The following DYNC2H1 variants were observed in gnomAD, a reference collection of about 807,000 sequenced individuals.
DYNC2H1 encodes dynein cytoplasmic 2 heavy chain 1.
In DYNC2H1, 410 loss-of-function variants were observed where a neutral mutation model predicts 570.0. The observed-to-expected ratio is 0.72, with a 90% CI of 0.66 to 0.78. DYNC2H1 has a LOEUF of 0.78. Ranked by LOEUF, DYNC2H1 falls within the 30% of genes least tolerant of loss-of-function variation. The pLI is 0.00. For synonymous variants in DYNC2H1, 1,688 were observed against 1,677.6 expected (o/e 1.01, Z -0.15); for missense variants, 4,865 against 5,046.4 (o/e 0.96, Z 1.09).
chr11:103,243,817 C>A lies in DYNC2H1; in HGVS notation c.9918+26C>A, dbSNP rs758508903. On this transcript the variant is annotated intron_variant, in intron 64 of 88. Coordinates refer to ENST00000375735, the MANE Select transcript of DYNC2H1 (RefSeq NM_001377.3). The surrounding 1 kb of genome is among the most constrained non-coding windows in gnomAD (Gnocchi z 4.8). ...GTATGTATTATTTATAATTTACATA[C>A]CAATTAGGAATGACCTCTTATAGTG... is the stretch of plus-strand genomic sequence containing the variant. The A allele has an allele frequency of 2.0e-6, 3 of 1,505,302 alleles. No individual in the cohort carries two copies. The South Asian group carries it at 3.7e-5, about 19-fold the overall frequency. The allele number at this position is 1,505,302 out of a possible 1,614,324, so 93.2% of individuals were successfully genotyped here.
rs1859147713 is a variant in DYNC2H1, at chr11:103,129,295, A to G, written c.1953+290A>G. 2.0e-5 allele frequency among the ~76,000 whole-genome samples: 3 copies of G among 152,220 alleles called. No individual in the cohort carries two copies. In the South Asian group the frequency reaches 6.2e-4, roughly 31 times the overall value. Reference sequence around the variant, plus strand: ...ATCCTCTGAAGTTTGAGGTCCTTATACACAAGCTTCCTTAGACCTTTCCCA... The same window carrying G: ...ATCCTCTGAAGTTTGAGGTCCTTATGCACAAGCTTCCTTAGACCTTTCCCA... On this transcript the variant is annotated intron_variant, in intron 13 of 88. Coordinates refer to ENST00000375735, the MANE Select transcript of DYNC2H1 (RefSeq NM_001377.3). This position sits in a 1 kb window ranked among gnomAD's most constrained non-coding sequence, Gnocchi z 4.1.
intron 47 of DYNC2H1, among the ~76,000 whole-genome samples, chr11:103,194,491 CA>C (rs1862440468): frequency 6.6e-6 from 1 of 152,132 alleles, no homozygotes; most frequent in Non-Finnish European, 1.5e-5. Flanking sequence ...AAGCAACTAA[CA>C]GGCTTTTTTT....
At chr11:103,430,310 T>G (rs1437701230) in intron 84 of DYNC2H1, among the ~76,000 whole-genome samples, 3 of 152,178 alleles carry the variant, frequency 2.0e-5, no homozygotes, top group Middle Eastern at 3.2e-3. Context: ...TGGTAATAAT[T>G]ATACCCACTT....
chr11:103,371,156 G>C (rs1202046229), intron 83 of DYNC2H1, among the ~76,000 whole-genome samples: 1 of 152,022 alleles, frequency 6.6e-6, no homozygotes, highest in Non-Finnish European at 1.5e-5. Context: ...GTTGAAAAGT[G>C]CAACTGGCAT....
chr11:103,403,760 A>G (rs1019639403), intron 84 of DYNC2H1: 1 of 152,074 alleles, frequency 6.6e-6, no homozygotes, highest in Admixed American at 6.6e-5. Flanking sequence ...TCAGTTATCA[A>G]CTTCAAAGAG....
chr11:103,235,477 A>G (rs1208872547), intron 61 of DYNC2H1, among the ~76,000 whole-genome samples, 195 bp from the exon 62 acceptor site: 2 of 151,948 alleles, frequency 1.3e-5, no homozygotes, highest in African/African-American at 4.8e-5. Flanking sequence ...CAAATATATT[A>G]GGATTTTATA....
At chr11:103,427,397 A>AACTT (rs1400065004) in intron 84 of DYNC2H1, among the ~76,000 whole-genome samples, 1 of 152,196 alleles carries the variant, frequency 6.6e-6, no homozygotes, top group Non-Finnish European at 1.5e-5. Context: ...CTTAATGATA[A>AACTT]ACTTACCTTC....
chr11:103,470,368 G>C (rs1380940829), intron 88 of DYNC2H1, among the ~76,000 whole-genome samples: 1 of 152,134 alleles, frequency 6.6e-6, no homozygotes, highest in Non-Finnish European at 1.5e-5. Flanking sequence ...AAAATGAATA[G>C]AGCATTTATC....
At chr11:103,270,602 C>G (rs1320943350) in intron 70 of DYNC2H1, among the ~76,000 whole-genome samples, 2 of 151,640 alleles carry the variant, frequency 1.3e-5, no homozygotes, top group Admixed American at 6.6e-5. Flanking sequence ...CTCTCTCTCT[C>G]GAACTATCTT....
chr11:103,286,077 T>C lies in DYNC2H1; in HGVS notation c.10891-178T>C, dbSNP rs4754897. Among the ~76,000 whole-genome samples, 18,964 of 152,190 alleles carry C rather than the reference T, an allele frequency of 0.12. 1,493 individuals carry two copies. The highest frequency in any genetic ancestry group is 0.24 in the Admixed American group (3,614 of 15,262). On this transcript the variant is annotated intron_variant, in intron 73 of 88. Coordinates refer to ENST00000375735, the MANE Select transcript of DYNC2H1 (RefSeq NM_001377.3). ...AAGTGTATTTTAATTCTGGCTTTAA[T>C]ATTAGGTGAGTTTACCATAGAGTTG...
intron 82 of DYNC2H1, among the ~76,000 whole-genome samples, chr11:103,330,014 T>C (rs938886618): frequency 1.3e-5 from 2 of 152,232 alleles, no homozygotes; most frequent in African/African-American, 2.4e-5. Flanking sequence ...ATTGATCCTC[T>C]GGTATTTTTT....
intron 84 of DYNC2H1, chr11:103,401,971 G>C (rs1424939433): frequency 6.6e-6 from 1 of 152,038 alleles, no homozygotes; most frequent in Non-Finnish European, 1.5e-5. Flanking sequence ...AAATGTAAGA[G>C]GTAATTGGTA....
At position 103,184,970 on chromosome 11, in the gene DYNC2H1, T is replaced by C; in HGVS notation, c.6552T>C (p.Asp2184=). ...TGTCACATCTACATGGTTGCAGAGA[T>C]CATGACGAATTCATTATTAATCTCA... ...NGLSHLHGCR[D]HDEFIINLIR... is the part of the protein sequence containing the mutation. The change falls in exon 41 of 89, where the codon GAT becomes GAC. Residue 2184 remains aspartate, a synonymous_variant. Transcript: ENST00000375735. The C allele has an allele frequency of 6.2e-7, 1 of 1,611,226 alleles. No individual in the cohort carries two copies. The highest frequency in any genetic ancestry group is 1.1e-5 in the South Asian group (1 of 90,974).
intron 84 of DYNC2H1, among the ~76,000 whole-genome samples, chr11:103,435,094 TA>T (rs1944015561): frequency 1.3e-5 from 2 of 152,176 alleles, no homozygotes; most frequent in Non-Finnish European, 2.9e-5. Context: ...TAAGAAGGCT[TA>T]CTTTATTCCT....
chr11:103,452,079 T>G (rs1944627261), intron 85 of DYNC2H1, among the ~76,000 whole-genome samples: 1 of 152,154 alleles, frequency 6.6e-6, no homozygotes, highest in African/African-American at 2.4e-5. Context: ...CTCTGAATGG[T>G]AAGTAGCACA....
In DYNC2H1 at chr11:103,254,524, C is replaced by CA. The variant is rs1328038116; in HGVS notation, c.10207-889dup. 6.6e-6 allele frequency among the ~76,000 whole-genome samples: 1 copy of CA among 152,110 alleles called. No homozygotes were observed. Among genetic ancestry groups the CA allele is most frequent in the African/African-American group, 2.4e-5 (1 of 41,416 alleles). On this transcript the variant is annotated intron_variant, in intron 66 of 88. Coordinates refer to ENST00000375735, the MANE Select transcript of DYNC2H1 (RefSeq NM_001377.3). The surrounding 1 kb of genome is among the most constrained non-coding windows in gnomAD (Gnocchi z 4.9). ...ACTTGCTGATTTAAAATGTATAATTCAATGGTTTTTTTAGTGGAATTGCTG... is the reference window on the plus strand; with the variant it reads ...ACTTGCTGATTTAAAATGTATAATTCAAATGGTTTTTTTAGTGGAATTGCTG...
At position 103,163,226 on chromosome 11, in the gene DYNC2H1, T is replaced by A; in HGVS notation, c.4611+79T>A. The A allele has an allele frequency of 6.8e-7, 1 of 1,474,090 alleles. No homozygotes were observed. The highest frequency in any genetic ancestry group is 9.1e-7 in the Non-Finnish European group (1 of 1,100,462). 91.3% of individuals were successfully genotyped at this position (1,474,090 alleles called of 1,614,324 possible). ...TGACCTAGAAGCCAGGAGGCTCAGA[T>A]AAATCGCATCTGTTTTCTCCCTTTA... On this transcript the variant is annotated intron_variant, in intron 30 of 88. Coordinates refer to ENST00000375735, the MANE Select transcript of DYNC2H1 (RefSeq NM_001377.3). The surrounding 1 kb of genome is among the most constrained non-coding windows in gnomAD (Gnocchi z 4.6).
chr11:103,479,205 A>C lies in DYNC2H1; in HGVS notation c.12876A>C (p.Gln4292His). ...TTGATGTTCCATGTGGGGGCAACCA[A>C]GACCAGTGGATTCAGTGTGGAGCAG... is the stretch of plus-strand genomic sequence containing the variant. Reference protein sequence around the residue: ...TNIDVPCGGNQDQWIQCGAAL... With the variant: ...TNIDVPCGGNHDQWIQCGAAL... The change falls in exon 89 of 89, where the codon CAA (glutamine) becomes CAC (histidine). Residue 4292 changes from glutamine (Q) to histidine (H), a missense_variant. By Grantham distance (24) the Gln-to-His change is conservative. Around this residue, in one of 5 missense-constraint regions of DYNC2H1, gnomAD observed 2,401 missense variants for 2,454.6 expected, o/e 0.98. Coordinates refer to ENST00000375735, the MANE Select transcript of DYNC2H1 (RefSeq NM_001377.3). 1.2e-6 allele frequency: 2 copies of C among 1,613,918 alleles called. No individual in the cohort carries two copies. Among genetic ancestry groups the C allele is most frequent in the East Asian group, 2.2e-5 (1 of 44,864 alleles).
chr11:103,182,329 A>G (rs1016170552), intron 40 of DYNC2H1, among the ~76,000 whole-genome samples: 66 of 151,198 alleles, frequency 4.4e-4, no homozygotes, highest in African/African-American at 1.5e-3. Context: ...TGTCACATAT[A>G]TATGATATAT....
Sources: gnomAD v4.1 joint callset for allele counts (sites outside exome capture counted in the v4.1 genomes callset) on GRCh38, gnomAD v4.1.1 for gene constraint, gnomAD v4.1.1 regional missense constraint, Gnocchi (gnomAD v3.1) non-coding constraint, MANE v1.5 for transcripts, NCBI Gene and HGNC (gene_info 2026-07-23, HGNC 2026-07-21) for gene names.